DAB1: variants seen among roughly 807,000 people sequenced by gnomAD.
DAB1 encodes disabled homolog 1.
DAB1 carries 15 observed loss-of-function variants against 64.6 expected under a neutral mutation model. The ratio of observed to expected loss-of-function variants is 0.23; its 90% CI spans 0.16 to 0.36. DAB1 has a LOEUF of 0.36. Ranked by LOEUF, DAB1 falls within the 10% of genes least tolerant of loss-of-function variation. The pLI, the probability that DAB1 is intolerant of heterozygous loss-of-function variation, is 1.00. For missense variants in DAB1, 596 were observed against 706.7 expected, an observed-to-expected ratio of 0.84 and a Z score of 1.78; for synonymous variants, 235 against 251.9, an observed-to-expected ratio of 0.93 and a Z score of 0.64.
intron 5 of DAB1, among the ~76,000 whole-genome samples, chr1:58,025,902 C>T (rs774949342): frequency 2.0e-5 from 3 of 151,884 alleles, no homozygotes; most frequent in Non-Finnish European, 4.4e-5. Flanking sequence ...CCCCAGTGAG[C>T]GCTTGTTCCA....
At chr1:58,455,417 G>A (rs1168307982) in intron 3 of DAB1, among the ~76,000 whole-genome samples, 4 of 152,232 alleles carry the variant, frequency 2.6e-5, no homozygotes, top group Non-Finnish European at 4.4e-5. Context: ...GGCGCAATGC[G>A]CTGCAGCAGT....
chr1:58,525,435 T>A (rs1646334494), intron 2 of DAB1, among the ~76,000 whole-genome samples: 1 of 152,160 alleles, frequency 6.6e-6, no homozygotes, highest in South Asian at 2.1e-4. Context: ...ATCAATTGTA[T>A]TTTTATATAC....
intron 5 of DAB1, among the ~76,000 whole-genome samples, chr1:57,904,279 T>C (rs1644517697): frequency 6.6e-6 from 1 of 152,200 alleles, no homozygotes; most frequent in African/African-American, 2.4e-5. Flanking sequence ...AAATGATGTT[T>C]CCTTTGCCTC....
chr1:57,125,392 C>T (rs1383702310), intron 4 of DAB1, among the ~76,000 whole-genome samples: 1 of 152,178 alleles, frequency 6.6e-6, no homozygotes, highest in African/African-American at 2.4e-5. Flanking sequence ...GTGCTCCATA[C>T]ATAGTACCTA....
intron 5 of DAB1, among the ~76,000 whole-genome samples, chr1:57,986,107 T>C (rs752662749): frequency 3.1e-4 from 47 of 152,242 alleles, no homozygotes; most frequent in Non-Finnish European, 5.7e-4. Context: ...CACCAAGCTA[T>C]CTTGTAATTG....
chr1:57,747,409 A>T (rs1458770323), intron 6 of DAB1, among the ~76,000 whole-genome samples: 1 of 152,194 alleles, frequency 6.6e-6, no homozygotes, highest in Non-Finnish European at 1.5e-5. Context: ...GTCTTCAGCT[A>T]CTAATGTAGT....
chr1:57,057,649 C>T lies in DAB1; in HGVS notation c.723+5235G>A, dbSNP rs557563629. 9.9e-5 allele frequency among the ~76,000 whole-genome samples: 15 copies of T among 151,002 alleles called. No homozygotes were observed. In the South Asian group the frequency reaches 2.5e-3, roughly 25 times the overall value. On this transcript the variant is annotated intron_variant, in intron 9 of 14. Transcript: ENST00000371236. The stretch of plus-strand genomic sequence containing the variant: ...TGGAGACAGAGTCTCGTTCTGTTGC[C>T]CAGGCTGGAGTGCAGTGGCATGATC...
intron 6 of DAB1, among the ~76,000 whole-genome samples, chr1:57,752,230 C>T (rs975171342): frequency 6.6e-6 from 1 of 152,146 alleles, no homozygotes; most frequent in Admixed American, 6.5e-5. Flanking sequence ...TTAAGTTATC[C>T]TTGCTTTCAT....
In DAB1 at chr1:58,104,545, G is replaced by C. The variant is rs554764589; in HGVS notation, n.387+45966C>G. Among the ~76,000 whole-genome samples, 5 of 152,240 alleles carry C rather than the reference G, an allele frequency of 3.3e-5. No individual in the cohort carries two copies. In the South Asian group the frequency reaches 1.0e-3, roughly 32 times the overall value. Reference sequence around the variant, plus strand: ...CCCCAATTTTTTTAAATTTTCCAGTGTGCTTCTGTTCCACAGGAAGTGAGA... The same window carrying C: ...CCCCAATTTTTTTAAATTTTCCAGTCTGCTTCTGTTCCACAGGAAGTGAGA... On this transcript the variant is annotated intron_variant and non_coding_transcript_variant, in intron 5 of 20. Transcript: ENST00000485760.
intron 6 of DAB1, among the ~76,000 whole-genome samples, chr1:57,774,817 A>T (rs533964206): frequency 8.0e-4 from 121 of 151,874 alleles, no homozygotes; most frequent in African/African-American, 2.7e-3. Context: ...CCTCATCTAA[A>T]TTCTGAAAGA....
chr1:57,982,681 C>T (rs1391820435), intron 5 of DAB1, among the ~76,000 whole-genome samples: 1 of 152,222 alleles, frequency 6.6e-6, no homozygotes, highest in Non-Finnish European at 1.5e-5. Context: ...GCAAAATTCT[C>T]TATCATAACT....
At chr1:58,171,980 C>T (rs1656200710) in intron 4 of DAB1, among the ~76,000 whole-genome samples, 2 of 152,236 alleles carry the variant, frequency 1.3e-5, no homozygotes, top group Admixed American at 6.5e-5. Context: ...GGCTTATCCT[C>T]ACCCTAAGAC....
At chr1:57,259,825 C>G (rs1171618653) in intron 2 of DAB1, among the ~76,000 whole-genome samples, 1 of 152,188 alleles carries the variant, frequency 6.6e-6, no homozygotes, top group Non-Finnish European at 1.5e-5. Context: ...TAGAAGACAT[C>G]AAGCACTATC....
chr1:58,411,550 G>A (rs1644668849), intron 3 of DAB1, among the ~76,000 whole-genome samples: 1 of 152,222 alleles, frequency 6.6e-6, no homozygotes, highest in Non-Finnish European at 1.5e-5. Context: ...TGACCTCTAA[G>A]TGAGACATTA....
At chr1:57,795,725 A>C (rs530112273) in intron 6 of DAB1, among the ~76,000 whole-genome samples, 1 of 118,582 alleles carries the variant, frequency 8.4e-6, no homozygotes, top group East Asian at 2.5e-4. Flanking sequence ...ATATATATAT[A>C]TATATATATC....
chr1:57,561,685 A>G (rs1485584472), intron 7 of DAB1, among the ~76,000 whole-genome samples: 2 of 152,198 alleles, frequency 1.3e-5, no homozygotes, highest in African/African-American at 2.4e-5. Flanking sequence ...CCAAGGGACA[A>G]TGAACAAAGT....
chr1:58,020,551 T>A lies in DAB1; in HGVS notation n.387+129960A>T, dbSNP rs12026189. On this transcript the variant is annotated intron_variant and non_coding_transcript_variant, in intron 5 of 20. Coordinates refer to the DAB1 transcript ENST00000485760. ...CTATTTCTCCAACAAATGGACAACT[T>A]CAACTTAGATCAGGACTTCTGTGAA... is the stretch of plus-strand genomic sequence containing the variant. Among the ~76,000 whole-genome samples the A allele has an allele frequency of 8.8e-3, 1,334 of 152,244 alleles. 33 individuals carry two copies. In the East Asian group the frequency reaches 0.097, roughly 11 times the overall value.
At chr1:57,458,182 C>A (rs1686666873) in intron 7 of DAB1, among the ~76,000 whole-genome samples, 1 of 151,904 alleles carries the variant, frequency 6.6e-6, no homozygotes. Flanking sequence ...TATATATATT[C>A]TTTTGTAATT....
At position 57,968,495 on chromosome 1, in the gene DAB1, A is replaced by G. The variant is rs188030951; in HGVS notation, n.388-84333T>C. 3.8e-3 allele frequency among the ~76,000 whole-genome samples: 580 copies of G among 152,278 alleles called. 2 individuals carry two copies. Among genetic ancestry groups the G allele is most frequent in the Non-Finnish European group, 5.2e-3 (354 of 67,998 alleles). On this transcript the variant is annotated intron_variant and non_coding_transcript_variant, in intron 5 of 20. Coordinates refer to the DAB1 transcript ENST00000485760. ...TTTAAAAAACAAACCTCTGTCTGTC[A>G]GCTCACTGCCAATTCCAGCCTGGAA...
Sources: allele counts gnomAD v4.1 joint callset (sites outside exome capture counted in the v4.1 genomes callset), GRCh38; gene constraint gnomAD v4.1.1; transcripts MANE v1.5; gene names NCBI Gene and HGNC (gene_info 2026-07-23, HGNC 2026-07-21).